Variants in PTPRM observed in about 807,000 individuals in gnomAD.
PTPRM encodes the protein protein tyrosine phosphatase receptor type M.
In PTPRM, 47 loss-of-function variants were observed where a neutral mutation model predicts 186.7. That is an observed-to-expected ratio of 0.25 (90% CI 0.20 to 0.32). The LOEUF (loss-of-function observed/expected upper bound fraction) is 0.32. PTPRM is among the 10% of genes least tolerant of loss of function. The pLI is 1.00. For missense variants in PTPRM, 1,494 were observed against 1,865.0 expected, an observed-to-expected ratio of 0.80 and a Z score of 3.66; for synonymous variants, 668 against 674.9, an observed-to-expected ratio of 0.99 and a Z score of 0.16.
intron 1 of PTPRM, among the ~76,000 whole-genome samples, chr18:7,667,729 G>C (rs1000432606): frequency 5.9e-5 from 9 of 152,076 alleles, no homozygotes; most frequent in African/African-American, 2.2e-4. Context: ...GATAGAAAAA[G>C]GACATTTGCA....
chr18:7,886,136 A>G (rs2048773221), intron 2 of PTPRM, among the ~76,000 whole-genome samples: 1 of 152,226 alleles, frequency 6.6e-6, no homozygotes, highest in Non-Finnish European at 1.5e-5. Flanking sequence ...GTAAGGATAT[A>G]TGTGGTAACT....
At chr18:7,675,661 G>A (rs2039316864) in intron 1 of PTPRM, among the ~76,000 whole-genome samples, 1 of 152,008 alleles carries the variant, frequency 6.6e-6, no homozygotes, top group South Asian at 2.1e-4. Flanking sequence ...TTTGCACACA[G>A]TAACCTTTGG....
At position 8,289,551 on chromosome 18, in the gene PTPRM, CATATATATACACATATATATATATACAT is replaced by C. The variant is rs751129756; in HGVS notation, c.2755-6793_2755-6766del. 7.7e-4 allele frequency among the ~76,000 whole-genome samples: 60 copies of C among 77,706 alleles called. 1 individual carries two copies. The highest frequency in any genetic ancestry group is 8.4e-4 in the Non-Finnish European group (37 of 43,794). 51.0% of individuals were successfully genotyped at this position (77,706 alleles called of 152,430 possible). On this transcript the variant is annotated intron_variant, in intron 19 of 32. Coordinates refer to ENST00000580170, the MANE Select transcript of PTPRM (RefSeq NM_001105244.2). ...ATATATATACACATATATATATATA[CATATATATACACATATATATATATACAT>C]ATATATATACACATATATATATACA... is the stretch of plus-strand genomic sequence containing the variant.
intron 1 of PTPRM, among the ~76,000 whole-genome samples, chr18:7,770,668 G>A (rs1455503810): frequency 2.0e-5 from 3 of 152,044 alleles, no homozygotes; most frequent in Non-Finnish European, 4.4e-5. Flanking sequence ...GAAGAATTGG[G>A]GATATGCGTG....
intron 3 of PTPRM, among the ~76,000 whole-genome samples, chr18:7,896,570 G>C (rs1484209320): frequency 6.6e-6 from 1 of 152,174 alleles, no homozygotes; most frequent in Non-Finnish European, 1.5e-5. Context: ...TAAAGAAGTG[G>C]GGCTGGGGAG....
At chr18:8,149,926 G>A (rs999841889) in intron 14 of PTPRM, among the ~76,000 whole-genome samples, 2 of 152,184 alleles carry the variant, frequency 1.3e-5, no homozygotes, top group African/African-American at 2.4e-5. Flanking sequence ...GGCGGGATGT[G>A]AAATTCCGGG....
intron 7 of PTPRM, among the ~76,000 whole-genome samples, chr18:7,982,705 A>C (rs1161662024): frequency 6.6e-6 from 1 of 152,098 alleles, no homozygotes; most frequent in Non-Finnish European, 1.5e-5. Flanking sequence ...CAGCACCATC[A>C]CCACAAACAC....
At chr18:7,651,311 C>T (rs1219263944) in intron 1 of PTPRM, among the ~76,000 whole-genome samples, 1 of 152,094 alleles carries the variant, frequency 6.6e-6, no homozygotes, top group Admixed American at 6.6e-5. Flanking sequence ...CATTGCTAAA[C>T]TGGACTTCGT....
chr18:8,314,683 TG>T, intron 20 of PTPRM, 97 bp from the exon 21 acceptor site: 1 of 729,900 alleles, frequency 1.4e-6, no homozygotes, highest in Admixed American at 2.4e-5. Context: ...AGAGTGTCTG[TG>T]GGTGATCTCT....
Position 8,126,006 on chromosome 18 carries a change from TATATATATATATATATATATA to T in PTPRM, c.2167+11180_2167+11200del, listed in dbSNP as rs2092340453. On this transcript the variant is annotated intron_variant, in intron 13 of 32. Coordinates refer to ENST00000580170, the MANE Select transcript of PTPRM (RefSeq NM_001105244.2). ...ATATATATATATATATATATATATA[TATATATATATATATATATATA>T]TTTTAAATCAGTAGACCTTTCCATT... Among the ~76,000 whole-genome samples, 2 of 23,950 alleles carry T rather than the reference TATATATATATATATATATATA, an allele frequency of 8.4e-5. 1 individual carries two copies. The highest frequency in any genetic ancestry group is 1.4e-3 in the Admixed American group (2 of 1,432). The allele number at this position is 23,950 out of a possible 152,430, so 15.7% of individuals were successfully genotyped here.
chr18:7,638,139 C>A (rs764008751), intron 1 of PTPRM, among the ~76,000 whole-genome samples: 3 of 152,054 alleles, frequency 2.0e-5, no homozygotes, highest in Non-Finnish European at 4.4e-5. Flanking sequence ...GAGTATATGC[C>A]CCTTCTACTC....
intron 23 of PTPRM, among the ~76,000 whole-genome samples, chr18:8,358,783 A>G (rs2095578881): frequency 6.6e-6 from 1 of 152,206 alleles, no homozygotes; most frequent in African/African-American, 2.4e-5. Flanking sequence ...GGCTGGACAC[A>G]GAGAAAGTAT....
intron 1 of PTPRM, among the ~76,000 whole-genome samples, chr18:7,758,209 G>A (rs771127997): frequency 2.6e-5 from 4 of 152,146 alleles, no homozygotes; most frequent in Non-Finnish European, 4.4e-5. Context: ...GCACAGATAC[G>A]CATTTGTCCT....
intron 1 of PTPRM, among the ~76,000 whole-genome samples, chr18:7,764,111 G>C (rs966761803): frequency 1.3e-5 from 2 of 152,102 alleles, no homozygotes; most frequent in Non-Finnish European, 1.5e-5. Flanking sequence ...TCAACACTTT[G>C]ATCCAGCCGT....
chr18:7,591,321 T>C (rs1365641327), intron 1 of PTPRM, among the ~76,000 whole-genome samples: 1 of 152,186 alleles, frequency 6.6e-6, no homozygotes, highest in East Asian at 1.9e-4. Flanking sequence ...TCTACAACCT[T>C]ATTAAGCATT....
chr18:7,752,183 A>C (rs1279897446), intron 1 of PTPRM, among the ~76,000 whole-genome samples: 1 of 152,156 alleles, frequency 6.6e-6, no homozygotes, highest in Non-Finnish European at 1.5e-5. Context: ...CTCATCTTGT[A>C]TGGATTAGCC....
At chr18:8,053,826 T>C (rs985355906) in intron 7 of PTPRM, among the ~76,000 whole-genome samples, 1 of 152,138 alleles carries the variant, frequency 6.6e-6, no homozygotes, top group Non-Finnish European at 1.5e-5. Flanking sequence ...TGTCTTTCAA[T>C]GAGGTTTTGG....
chr18:7,841,552 C>T (rs942038204), intron 2 of PTPRM, among the ~76,000 whole-genome samples: 40 of 152,068 alleles, frequency 2.6e-4, no homozygotes, highest in African/African-American at 9.4e-4. Flanking sequence ...CCTCAGCCTC[C>T]CAAAGTGCTG....
intron 2 of PTPRM, among the ~76,000 whole-genome samples, chr18:7,821,880 A>G (rs1001157070): frequency 2.0e-5 from 3 of 152,214 alleles, no homozygotes; most frequent in African/African-American, 7.2e-5. Flanking sequence ...AGATTTCATC[A>G]CACTGCTTAG....
Sources: gnomAD v4.1 joint callset for allele counts (sites outside exome capture counted in the v4.1 genomes callset) on GRCh38, gnomAD v4.1.1 for gene constraint, MANE v1.5 for transcripts, NCBI Gene and HGNC (gene_info 2026-07-23, HGNC 2026-07-21) for gene names.